The following LAMA2 variants were observed in gnomAD, a reference collection of about 807,000 sequenced individuals.
LAMA2 encodes laminin subunit alpha 2.
LAMA2 carries 269 observed loss-of-function variants against 364.8 expected under a neutral mutation model. That is an observed-to-expected ratio of 0.74 (90% CI 0.67 to 0.82). The LOEUF is 0.82. Among genes scored for constraint, LAMA2 ranks in the 40% least tolerant of loss-of-function variants. The pLI, the probability that LAMA2 is intolerant of heterozygous loss-of-function variation, is 0.00. For missense variants in LAMA2, 3,807 were observed against 3,873.2 expected (o/e 0.98, Z 0.45); for synonymous variants, 1,379 against 1,370.6 (o/e 1.01, Z -0.14).
At chr6:128,928,474 T>C (rs2114507506) in intron 1 of LAMA2, among the ~76,000 whole-genome samples, 1 of 152,280 alleles carries the variant, frequency 6.6e-6, no homozygotes, top group South Asian at 2.1e-4. Context: ...CTGATGAAAC[T>C]AAATCCAAAG....
At chr6:129,304,162 G>A (rs1324580319) in intron 22 of LAMA2, among the ~76,000 whole-genome samples, 1 of 152,140 alleles carries the variant, frequency 6.6e-6, no homozygotes, top group African/African-American at 2.4e-5. Flanking sequence ...GGTAGTAATA[G>A]GAACAAGTTT....
chr6:129,280,158 A>G lies in LAMA2; in HGVS notation c.2537+11A>G, dbSNP rs761120458. On this transcript the variant is annotated intron_variant, in intron 18 of 64. Transcript: ENST00000421865. ...ACCACGCTGTGAGAGGTAAGAGTAT[A>G]CTACACTGTCTTGCAAAATGATTTC... is the stretch of plus-strand genomic sequence containing the variant. 6 of 1,530,512 alleles carry G rather than the reference A, an allele frequency of 3.9e-6. No individual in the cohort carries two copies. Among genetic ancestry groups the G allele is most frequent in the Non-Finnish European group, 5.4e-6 (6 of 1,104,050 alleles). 94.8% of individuals were successfully genotyped at this position (1,530,512 alleles called of 1,614,324 possible).
intron 12 of LAMA2, among the ~76,000 whole-genome samples, chr6:129,218,024 A>C (rs1783541281): frequency 6.6e-6 from 1 of 152,188 alleles, no homozygotes; most frequent in South Asian, 2.1e-4. Flanking sequence ...CATAGGGGTC[A>C]TGACATCTTT....
chr6:129,416,780 C>CAGGG (rs3062363), intron 40 of LAMA2, among the ~76,000 whole-genome samples: 75,848 of 151,612 alleles, frequency 0.5, 19,466 homozygotes, highest in African/African-American at 0.62. Flanking sequence ...GATCCCACAC[C>CAGGG]TGCCAAGGGT....
intron 1 of LAMA2, among the ~76,000 whole-genome samples, chr6:128,905,908 G>A (rs185483832): frequency 5.5e-4 from 84 of 152,026 alleles, no homozygotes; most frequent in African/African-American, 2.0e-3. Flanking sequence ...TCTTGTGATA[G>A]TTTGCTGAGA....
At chr6:129,174,631 GTTC>G (rs1240519385) in intron 9 of LAMA2, among the ~76,000 whole-genome samples, 1 of 151,920 alleles carries the variant, frequency 6.6e-6, no homozygotes, top group Non-Finnish European at 1.5e-5. Context: ...ATTTTTTGTT[GTTC>G]TTCTGTAAAA....
chr6:129,478,761 A>G lies in LAMA2; in HGVS notation c.7520A>G (p.Asn2507Ser). The change falls in exon 54 of 65, where the codon AAT becomes AGT. Residue 2507 changes from asparagine (N) to serine (S), a missense_variant. Asn to Ser is a conservative substitution (Grantham distance 46, BLOSUM62 1). This residue lies in a region of LAMA2 where 3,333 missense variants were observed against 3,345.7 expected (regional missense o/e 1.00). Coordinates refer to ENST00000421865, the MANE Select transcript of LAMA2 (RefSeq NM_000426.4). Reference sequence around the variant, plus strand: ...ATTGAAATTTCAAGAACTCCGTACAATATACTCAGTAGTCCCGATTATGTT... The same window carrying G: ...ATTGAAATTTCAAGAACTCCGTACAGTATACTCAGTAGTCCCGATTATGTT... ...KDIEISRTPY[N>S]ILSSPDYVGV... 4 of 1,612,874 alleles carry G rather than the reference A, an allele frequency of 2.5e-6. No individual in the cohort carries two copies. Among genetic ancestry groups the G allele is most frequent in the Non-Finnish European group, 3.4e-6 (4 of 1,178,878 alleles).
intron 1 of LAMA2, among the ~76,000 whole-genome samples, chr6:128,966,648 T>C (rs1207030142): frequency 6.6e-6 from 1 of 151,988 alleles, no homozygotes. Context: ...ATTTGAGAAA[T>C]GATTCAATTG....
intron 1 of LAMA2, among the ~76,000 whole-genome samples, chr6:128,920,057 CTG>C (rs1489333336): frequency 6.6e-6 from 1 of 152,188 alleles, no homozygotes; most frequent in Non-Finnish European, 1.5e-5. Context: ...GAATATATCA[CTG>C]TCTCTTTCAG....
intron 32 of LAMA2, among the ~76,000 whole-genome samples, chr6:129,362,531 A>G (rs571212308): frequency 5.1e-4 from 77 of 152,206 alleles, no homozygotes; most frequent in African/African-American, 1.7e-3. Flanking sequence ...TCTTTGTCCA[A>G]AGTGTTTTGA....
chr6:129,231,230 A>G (rs562994527), intron 12 of LAMA2, among the ~76,000 whole-genome samples: 57 of 152,258 alleles, frequency 3.7e-4, no homozygotes, highest in African/African-American at 1.0e-3. Context: ...CTAGCACAAA[A>G]CATAGAAACA....
chr6:129,099,813 G>C (rs1186511818), intron 4 of LAMA2, among the ~76,000 whole-genome samples: 1 of 152,042 alleles, frequency 6.6e-6, no homozygotes, highest in African/African-American at 2.4e-5. Flanking sequence ...ATTCCAAATG[G>C]TACTCTCAGC....
In LAMA2 at chr6:129,516,285, G is replaced by GTTAAT. The variant is rs774309504; in HGVS notation, c.9310_9314dup (p.Phe3105LeufsTer9). 6.2e-7 allele frequency: 1 copy of GTTAAT among 1,614,098 alleles called. No homozygotes were observed. The highest frequency in any genetic ancestry group is 1.1e-5 in the South Asian group (1 of 91,072). ...CAAAGGCACAGGCAAGCCACTGGAG[G>GTTAAT]TTAATTTTGCCAAGGCCCTGGAACT... On this transcript the variant is annotated frameshift_variant, in exon 65 of 65. Transcript: ENST00000421865. LOFTEE classifies it high-confidence loss of function.
At chr6:129,285,389 C>T (rs958665854) in intron 18 of LAMA2, among the ~76,000 whole-genome samples, 1 of 152,190 alleles carries the variant, frequency 6.6e-6, no homozygotes, top group Non-Finnish European at 1.5e-5. Context: ...AAATAAAAGA[C>T]AGATGCTTCT....
Position 129,333,735 on chromosome 6 carries a change from A to G in LAMA2, c.4311+5323A>G, listed in dbSNP as rs149279924. ...ACATTCTTAAGCAAGAATTAAATGT[A>G]TATGTCTTATGCAATCTTCACTGGC... On this transcript the variant is annotated intron_variant, in intron 29 of 64. Transcript: ENST00000421865. Among the ~76,000 whole-genome samples the G allele has an allele frequency of 1.8e-4, 27 of 152,298 alleles. 1 individual carries two copies. In the East Asian group the frequency reaches 4.6e-3, roughly 26 times the overall value.
intron 48 of LAMA2, among the ~76,000 whole-genome samples, chr6:129,456,706 T>G (rs1782982981): frequency 6.6e-6 from 1 of 152,210 alleles, no homozygotes; most frequent in African/African-American, 2.4e-5. Context: ...GTGTATTTAT[T>G]TAAACAGCTG....
chr6:128,904,632 T>A (rs1331358107), intron 1 of LAMA2, among the ~76,000 whole-genome samples: 1 of 152,020 alleles, frequency 6.6e-6, no homozygotes. Flanking sequence ...TTTATTCTTG[T>A]ATTTTTAGTA....
intron 4 of LAMA2, among the ~76,000 whole-genome samples, chr6:129,106,881 T>C (rs1291087416): frequency 6.8e-6 from 1 of 147,686 alleles, no homozygotes; most frequent in Non-Finnish European, 1.5e-5. Flanking sequence ...AAAAAATATA[T>C]ATATATATAC....
chr6:128,892,285 C>T (rs143932015), intron 1 of LAMA2, among the ~76,000 whole-genome samples: 69 of 152,034 alleles, frequency 4.5e-4, no homozygotes, highest in Non-Finnish European at 9.4e-4. Context: ...AGAAGAAACA[C>T]AAGTTCCTAT....
Sources: gnomAD v4.1 joint callset for allele counts (sites outside exome capture counted in the v4.1 genomes callset) on GRCh38, gnomAD v4.1.1 for gene constraint, gnomAD v4.1.1 regional missense constraint, MANE v1.5 for transcripts, NCBI Gene and HGNC (gene_info 2026-07-23, HGNC 2026-07-21) for gene names.